LRFN1: variants seen among roughly 807,000 people sequenced by gnomAD.
The protein encoded by LRFN1 is leucine-rich repeat and fibronectin type III domain-containing protein 1.
Under a neutral mutation model 31.8 loss-of-function variants are expected in LRFN1, and 20 were observed. The observed-to-expected ratio is 0.63, with a 90% CI of 0.44 to 0.91. LRFN1 has a LOEUF of 0.91. Among genes scored for constraint, LRFN1 ranks in the 40% least tolerant of loss-of-function variants. The pLI, the probability that LRFN1 is intolerant of heterozygous loss-of-function variation, is 0.00. For synonymous variants in LRFN1, 514 were observed against 541.3 expected, an observed-to-expected ratio of 0.95 and a Z score of 0.70; for missense variants, 912 against 1,129.8, an observed-to-expected ratio of 0.81 and a Z score of 2.76.
rs558344532 is a variant in LRFN1 at position 39,312,984 on chromosome 19, C to T, written c.1406+947G>A. 1.1e-4 allele frequency among the ~76,000 whole-genome samples: 16 copies of T among 152,096 alleles called. 1 individual carries two copies. In the South Asian group the frequency reaches 3.3e-3, roughly 32 times the overall value. ...CTCAGGAGTTTGCACAAAGCAGGGG[C>T]TCTGTGCCTAACGAGGGCAGAGAAG... is the stretch of plus-strand genomic sequence containing the variant. On this transcript the variant is annotated intron_variant, in intron 4 of 4. Transcript: ENST00000248668.
chr19:39,313,162 TAC>T (rs1483649925), intron 4 of LRFN1, among the ~76,000 whole-genome samples: 8 of 152,372 alleles, frequency 5.3e-5, no homozygotes, highest in African/African-American at 1.9e-4. Context: ...ATTTTTCTCA[TAC>T]GTTTTGTTTT....
intron 1 of LRFN1, among the ~76,000 whole-genome samples, chr19:39,318,863 C>A (rs1022191396): frequency 2.0e-5 from 3 of 152,238 alleles, no homozygotes; most frequent in Admixed American, 6.5e-5. Flanking sequence ...ATGAACATAG[C>A]AACATGATCT....
rs775608969 is a variant in LRFN1 at position 39,314,270 on chromosome 19, T to C, written c.1067A>G (p.Asp356Gly). The C allele has an allele frequency of 6.2e-7, 1 of 1,612,908 alleles. No homozygotes were observed. The highest frequency in any genetic ancestry group is 1.1e-5 in the South Asian group (1 of 91,028). ...RTRVRGDGTL[D>G]VTITTLRDSG... ...GTCCCTCAAGGTGGTGATGGTCACATCCAGCGTCCCGTCCCCCCGGACCCG... is the reference window on the plus strand; with the variant it reads ...GTCCCTCAAGGTGGTGATGGTCACACCCAGCGTCCCGTCCCCCCGGACCCG... Residue 356 changes from aspartate to glycine, a missense_variant, in exon 4 of 5, where the codon GAT becomes GGT. Around this residue, in one of 2 missense-constraint regions of LRFN1, gnomAD observed 401 missense variants for 572.7 expected, o/e 0.70. Coordinates refer to ENST00000248668, the MANE Select transcript of LRFN1 (RefSeq NM_020862.2).
At chr19:39,320,108 C>G (rs1004775116) in intron 1 of LRFN1, among the ~76,000 whole-genome samples, 9 of 150,250 alleles carry the variant, frequency 6.0e-5, no homozygotes, top group African/African-American at 1.2e-4. Flanking sequence ...CATCCCCCCC[C>G]CGCAACCACC....
intron 2 of LRFN1, among the ~76,000 whole-genome samples, chr19:39,318,116 C>G (rs2075177326): frequency 6.6e-6 from 1 of 152,188 alleles, no homozygotes; most frequent in Non-Finnish European, 1.5e-5. Flanking sequence ...GCCACCTGGC[C>G]ACCACAAGCC....
At chr19:39,311,377 T>G (rs1464374411) in intron 4 of LRFN1, among the ~76,000 whole-genome samples, 1 of 151,834 alleles carries the variant, frequency 6.6e-6, no homozygotes, top group Non-Finnish European at 1.5e-5. Flanking sequence ...CCATGCAGGG[T>G]CTGGGGGCTT....
At chr19:39,320,151 AC>A (rs2145041096) in intron 1 of LRFN1, among the ~76,000 whole-genome samples, 1 of 141,414 alleles carries the variant, frequency 7.1e-6, no homozygotes, top group Admixed American at 7.1e-5. Context: ...TTCCCCCAGG[AC>A]CGCTAAGGAC....
rs1384441275 is a variant in LRFN1, at chr19:39,314,950, G to A, written c.387C>T (p.Arg129=). The A allele has an allele frequency of 1.3e-6, 2 of 1,596,694 alleles. No homozygotes were observed. Among genetic ancestry groups the A allele is most frequent in the South Asian group, 1.1e-5 (1 of 89,278 alleles). ...TGCCCAGGCCGCGGAGCTGGTCGCC[G>A]CGCACCTCCGCCAGGCGGTTGCTGT... is the stretch of plus-strand genomic sequence containing the variant. ...HLDSNRLAEV[R]GDQLRGLGNL... The change falls in exon 4 of 5, where the codon CGC becomes CGT. Residue 129 remains arginine (R), a synonymous_variant. Coordinates refer to ENST00000248668, the MANE Select transcript of LRFN1 (RefSeq NM_020862.2).
In LRFN1 at chr19:39,314,388, C is replaced by A. The variant is rs774333007; in HGVS notation, c.949G>T (p.Val317Leu). Residue 317 changes from valine to leucine, a missense_variant, in exon 4 of 5, where the codon GTG becomes TTG. Transcript: ENST00000248668. ...CCCACCGCTCGGCAGCGCAGGCTCA[C>A]CGCCTGGCCTTCCACCACCAGGGCC... ...GRALVVEGQA[V>L]SLRCRAVGDP... 3 of 1,594,454 alleles carry A rather than the reference C, an allele frequency of 1.9e-6. No homozygotes were observed. The East Asian group carries it at 6.9e-5, about 37-fold the overall frequency.
rs773502445 is a variant in LRFN1 at position 39,315,199 on chromosome 19, T to G, written c.138A>C (p.Thr46=). 19 of 1,583,270 alleles carry G rather than the reference T, an allele frequency of 1.2e-5. No individual in the cohort carries two copies. In the East Asian group the frequency reaches 2.9e-4, roughly 25 times the overall value. Reference sequence around the variant, plus strand: ...CGGTCTTGGCGCACAGCATTGTCAGTGTGGGCGCCACGTTCTGGCAGATGC... The same window carrying G: ...CGGTCTTGGCGCACAGCATTGTCAGGGTGGGCGCCACGTTCTGGCAGATGC... ...GRCICQNVAP[T]LTMLCAKTGL... Residue 46 remains threonine, a synonymous_variant, in exon 4 of 5, where the codon ACA becomes ACC. Coordinates refer to ENST00000248668, the MANE Select transcript of LRFN1 (RefSeq NM_020862.2). This position sits in a 1 kb window ranked among gnomAD's most constrained non-coding sequence, Gnocchi z 4.7.
In LRFN1 at chr19:39,308,464, C is replaced by CGCCA. The variant is rs1568567903; in HGVS notation, c.1481_1484dup (p.Val496GlyfsTer66). ...GCGCTGTGGCCCCGTCGTCGTAGAC[C>CGCCA]GCCAGCACGCACAAGTCGTAGGCAC... On this transcript the variant is annotated frameshift_variant, in exon 5 of 5. Transcript: ENST00000248668. LOFTEE classifies it high-confidence loss of function. This position sits in a 1 kb window ranked among gnomAD's most constrained non-coding sequence, Gnocchi z 6.2. 6.2e-7 allele frequency: 1 copy of CGCCA among 1,608,354 alleles called. No homozygotes were observed. Among genetic ancestry groups the CGCCA allele is most frequent in the East Asian group, 2.2e-5 (1 of 44,840 alleles).
intron 1 of LRFN1, among the ~76,000 whole-genome samples, chr19:39,319,433 T>TCACACACA (rs59717724): frequency 1.3e-5 from 2 of 149,246 alleles, no homozygotes; most frequent in African/African-American, 2.5e-5. Context: ...GATACATACC[T>TCACACACA]CACACACACA....
chr19:39,314,785 C>T lies in LRFN1; in HGVS notation c.552G>A (p.Gln184=). 1 of 1,613,132 alleles carries T rather than the reference C, an allele frequency of 6.2e-7. No homozygotes were observed. The highest frequency in any genetic ancestry group is 8.5e-7 in the Non-Finnish European group (1 of 1,179,546). The change falls in exon 4 of 5, where the codon CAG becomes CAA. Residue 184 remains glutamine, a synonymous_variant. Coordinates refer to ENST00000248668, the MANE Select transcript of LRFN1 (RefSeq NM_020862.2). The stretch of plus-strand genomic sequence containing the variant: ...GCGTGAGGGTGTTTAGGTTCACCAT[C>T]TGGCCCACCGCCTCCCACGGCAGGG... ...LEALPWEAVG[Q]MVNLNTLTLD...
rs558685052 is a variant in LRFN1, at chr19:39,311,446, G to A, written c.1406+2485C>T. On this transcript the variant is annotated intron_variant, in intron 4 of 4. Transcript: ENST00000248668. ...TGGCTCAGAGCAAAGGAAAGAGAGG[G>A]ACAGAGAAGTGGAGAGTCACAGAAG... Among the ~76,000 whole-genome samples the A allele has an allele frequency of 4.6e-5, 7 of 152,290 alleles. No homozygotes were observed. In the East Asian group the frequency reaches 1.2e-3, roughly 25 times the overall value.
At chr19:39,310,668 C>T (rs973539673) in intron 4 of LRFN1, among the ~76,000 whole-genome samples, 4 of 152,152 alleles carry the variant, frequency 2.6e-5, no homozygotes, top group African/African-American at 9.7e-5. Context: ...TCCCGGGAGA[C>T]AAGGACTGCC....
chr19:39,307,851 G>T lies in LRFN1; in HGVS notation c.2098C>A (p.Pro700Thr). 1 of 1,519,382 alleles carries T rather than the reference G, an allele frequency of 6.6e-7. No homozygotes were observed. The highest frequency in any genetic ancestry group is 2.1e-5 in the Admixed American group (1 of 47,102). The allele number at this position is 1,519,382 out of a possible 1,614,324, so 94.1% of individuals were successfully genotyped here. Residue 700 changes from proline to threonine, a missense_variant, in exon 5 of 5, where the codon CCG becomes ACG. This residue lies in a region of LRFN1 where 511 missense variants were observed against 557.0 expected (regional missense o/e 0.92). Transcript: ENST00000248668. The surrounding 1 kb of genome is among the most constrained non-coding windows in gnomAD (Gnocchi z 6.7). ...VPGGAAARPR[P>T]QQRYSFDGDY... ...CCGTCGAACGAATAGCGCTGCTGCG[G>T]CCTCGGCCGGGCCGCGGCTCCCCCA...
rs774493332 is a variant in LRFN1, at chr19:39,315,102, C to A, written c.235G>T (p.Ala79Ser). The A allele has an allele frequency of 4.0e-5, 64 of 1,593,794 alleles. No homozygotes were observed. Among genetic ancestry groups the A allele is most frequent in the Non-Finnish European group, 9.3e-6 (11 of 1,177,648 alleles). Residue 79 changes from alanine (A) to serine (S), a missense_variant, in exon 4 of 5, where the codon GCC (alanine) becomes TCC (serine). Around this residue, in one of 2 missense-constraint regions of LRFN1, gnomAD observed 401 missense variants for 572.7 expected, o/e 0.70. Coordinates refer to ENST00000248668, the MANE Select transcript of LRFN1 (RefSeq NM_020862.2). This position sits in a 1 kb window ranked among gnomAD's most constrained non-coding sequence, Gnocchi z 4.7. ...ELRLTDNFIAAVRRRDFANMT... is the reference protein window; with the variant it reads ...ELRLTDNFIASVRRRDFANMT... ...TTGGCGAAGTCTCGGCGGCGCACGG[C>A]GGCGATGAAGTTGTCGGTGAGCCGC...
rs922869668 is a variant in LRFN1 at position 39,314,645 on chromosome 19, A to T, written c.692T>A (p.Phe231Tyr). The T allele has an allele frequency of 2.5e-6, 4 of 1,611,950 alleles. No homozygotes were observed. The African/African-American group carries it at 4.0e-5, about 16-fold the overall frequency. ...GGGCCCGGTGCCCTGCGACCTCAGG[A>T]AGAGCCCGTCGGGCGGGAGTTTATG... ...RLHKLPPDGL[F>Y]LRSQGTGPKP... Residue 231 changes from phenylalanine (F) to tyrosine (Y), a missense_variant, in exon 4 of 5, where the codon TTC (phenylalanine) becomes TAC (tyrosine). Phe to Tyr is a conservative substitution (Grantham distance 22). This residue lies in a region of LRFN1 where 401 missense variants were observed against 572.7 expected (regional missense o/e 0.70). Coordinates refer to ENST00000248668, the MANE Select transcript of LRFN1 (RefSeq NM_020862.2).
chr19:39,307,819 G>A lies in LRFN1; in HGVS notation c.2130C>T (p.Tyr710=), dbSNP rs757048407. 6.7e-7 allele frequency: 1 copy of A among 1,492,668 alleles called. No individual in the cohort carries two copies. The highest frequency in any genetic ancestry group is 8.9e-7 in the Non-Finnish European group (1 of 1,127,772). 92.5% of individuals were successfully genotyped at this position (1,492,668 alleles called of 1,614,324 possible). The part of the protein sequence containing the change: ...PQQRYSFDGD[Y]GALFQSHSYP... ...AACTGTGGCTCTGGAATAGTGCCCC[G>A]TAGTCCCCGTCGAACGAATAGCGCT... The change falls in exon 5 of 5, where the codon TAC becomes TAT. Residue 710 remains tyrosine, a synonymous_variant. Coordinates refer to ENST00000248668, the MANE Select transcript of LRFN1 (RefSeq NM_020862.2). This position sits in a 1 kb window ranked among gnomAD's most constrained non-coding sequence, Gnocchi z 6.7.
Sources: gnomAD v4.1 joint callset for allele counts (sites outside exome capture counted in the v4.1 genomes callset) on GRCh38, gnomAD v4.1.1 for gene constraint, gnomAD v4.1.1 regional missense constraint, Gnocchi (gnomAD v3.1) non-coding constraint, MANE v1.5 for transcripts, NCBI Gene and HGNC (gene_info 2026-07-23, HGNC 2026-07-21) for gene names.